Variants in KCTD12 observed in about 807,000 individuals in gnomAD.
KCTD12 encodes the protein BTB/POZ domain-containing protein KCTD12.
KCTD12 carries 16 observed loss-of-function variants against 22.6 expected under a neutral mutation model. The ratio of observed to expected loss-of-function variants is 0.71; its 90% CI spans 0.48 to 1.07. The LOEUF is 1.07. Ranked by LOEUF, KCTD12 falls within the 50% of genes least tolerant of loss-of-function variation. The pLI, the probability that KCTD12 is intolerant of heterozygous loss-of-function variation, is 0.00. For missense variants in KCTD12, 452 were observed against 469.2 expected (o/e 0.96, Z 0.34); for synonymous variants, 260 against 228.0 (o/e 1.14, Z -1.26).
chr13:76,885,260 T>C lies in KCTD12; in HGVS notation c.889A>G (p.Thr297Ala). 6.2e-7 allele frequency: 1 copy of C among 1,613,970 alleles called. No homozygotes were observed. Among genetic ancestry groups the C allele is most frequent in the Non-Finnish European group, 8.5e-7 (1 of 1,179,986 alleles). ...CTGCTGGCAAAGGCGCAGGTGCCCG[T>C]GGAGCTGCACGCCACCATGTGGAAG... ...SGFHMVACSS[T>A]GTCAFASSTD... The change falls in exon 1 of 1, where the codon ACG becomes GCG. Residue 297 changes from threonine to alanine, a missense_variant. Physicochemically the swap from Thr to Ala is moderately conservative, Grantham distance 58. This residue lies in a region of KCTD12 where 122 missense variants were observed against 172.8 expected (regional missense o/e 0.71). Coordinates refer to ENST00000377474, the MANE Select transcript of KCTD12 (RefSeq NM_138444.4). This position sits in a 1 kb window ranked among gnomAD's most constrained non-coding sequence, Gnocchi z 5.1.
In KCTD12 at chr13:76,882,920, G is replaced by C. The variant is rs536658203; in HGVS notation, c.*2251C>G. ...AAAAAATTAGTGGATTAAAAATACA[G>C]GTACCTTGACTTTAAGTAGACAGTT... is the stretch of plus-strand genomic sequence containing the variant. On this transcript the variant is annotated 3_prime_UTR_variant, in exon 1 of 1. Coordinates refer to ENST00000377474, the MANE Select transcript of KCTD12 (RefSeq NM_138444.4). 6.6e-6 allele frequency: 1 copy of C among 152,228 alleles called. No individual in the cohort carries two copies. The highest frequency in any genetic ancestry group is 2.4e-5 in the African/African-American group (1 of 41,518). The allele number at this position is 152,228 out of a possible 1,614,324, so 9.4% of individuals were successfully genotyped here.
In KCTD12 at chr13:76,885,766, C is replaced by G; in HGVS notation, c.383G>C (p.Arg128Pro). The change falls in exon 1 of 1, where the codon CGC becomes CCC. Residue 128 changes from arginine to proline, a missense_variant. Arg to Pro is a moderately radical substitution (Grantham distance 103). Around this residue, in one of 2 missense-constraint regions of KCTD12, gnomAD observed 330 missense variants for 296.5 expected, o/e 1.11. Coordinates refer to ENST00000377474, the MANE Select transcript of KCTD12 (RefSeq NM_138444.4). The surrounding 1 kb of genome is among the most constrained non-coding windows in gnomAD (Gnocchi z 5.1). Reference sequence around the variant, plus strand: ...GCCGGGCTGCTGGGGCGCCCCGAGGCGGCGCACGAGCTCTGGCAGCTCGAA... The same window carrying G: ...GCCGGGCTGCTGGGGCGCCCCGAGGGGGCGCACGAGCTCTGGCAGCTCGAA... ...EYFELPELVRRLGAPQQPGPG... is the reference protein window; with the variant it reads ...EYFELPELVRPLGAPQQPGPG... 2 of 1,533,182 alleles carry G rather than the reference C, an allele frequency of 1.3e-6. No individual in the cohort carries two copies. The highest frequency in any genetic ancestry group is 2.0e-5 in the Admixed American group (1 of 50,372). 95.0% of individuals were successfully genotyped at this position (1,533,182 alleles called of 1,614,324 possible).
Position 76,885,545 on chromosome 13 carries a change from C to G in KCTD12, c.604G>C (p.Asp202His), listed in dbSNP as rs759217707. ...GPLLTPSQSL[D>H]GSRRSGYITI... ...ATGTAGCCCGAGCGCCGGCTGCCGT[C>G]CAGCGACTGGGACGGCGTGAGCAGC... Residue 202 changes from aspartate (D) to histidine (H), a missense_variant, in exon 1 of 1, where the codon GAC (aspartate) becomes CAC (histidine). Asp to His is a moderately conservative substitution (Grantham distance 81). Around this residue, in one of 2 missense-constraint regions of KCTD12, gnomAD observed 330 missense variants for 296.5 expected, o/e 1.11. Transcript: ENST00000377474. The surrounding 1 kb of genome is among the most constrained non-coding windows in gnomAD (Gnocchi z 5.1). The G allele has an allele frequency of 1.5e-4, 228 of 1,565,644 alleles. No individual in the cohort carries two copies. The highest frequency in any genetic ancestry group is 1.8e-4 in the Non-Finnish European group (214 of 1,160,112).
At position 76,883,998 on chromosome 13, in the gene KCTD12, T is replaced by C. The variant is rs1344360777; in HGVS notation, c.*1173A>G. 6.6e-6 allele frequency: 1 copy of C among 152,460 alleles called. No homozygotes were observed. The highest frequency in any genetic ancestry group is 1.5e-5 in the Non-Finnish European group (1 of 68,010). 9.4% of individuals were successfully genotyped at this position (152,460 alleles called of 1,614,324 possible). A position where few individuals can be genotyped will look rare whatever the true frequency, so the allele number is the denominator to read the frequency against. ...AGTTAAGTAAACTGCCAGGTAAGAG[T>C]AGGTCTGTTATTAATCTTTATAAAA... On this transcript the variant is annotated 3_prime_UTR_variant, in exon 1 of 1. Transcript: ENST00000377474.
Position 76,883,056 on chromosome 13 carries a change from G to T in KCTD12, c.*2115C>A, listed in dbSNP as rs1036241902. 6.6e-6 allele frequency: 1 copy of T among 152,208 alleles called. No individual in the cohort carries two copies. Among genetic ancestry groups the T allele is most frequent in the Admixed American group, 6.5e-5 (1 of 15,284 alleles). The allele number at this position is 152,208 out of a possible 1,614,324, so 9.4% of individuals were successfully genotyped here. A position where few individuals can be genotyped will look rare whatever the true frequency, so the allele number is the denominator to read the frequency against. The stretch of plus-strand genomic sequence containing the variant: ...CCTAACCCAATTCCTCGATAAGGAT[G>T]TAAGAAACTCATCAAAACATGTTGC... On this transcript the variant is annotated 3_prime_UTR_variant, in exon 1 of 1. Coordinates refer to ENST00000377474, the MANE Select transcript of KCTD12 (RefSeq NM_138444.4).
Position 76,885,718 on chromosome 13 carries a change from C to A in KCTD12, c.431G>T (p.Arg144Leu). Residue 144 changes from arginine to leucine, a missense_variant, in exon 1 of 1, where the codon CGC becomes CTC. Transcript: ENST00000377474. This position sits in a 1 kb window ranked among gnomAD's most constrained non-coding sequence, Gnocchi z 5.1. ...CAGCGAGCCCTCCTTGTGCACCCCG[C>A]GCCGCGAGGGCGGCGGCCCCGGGCC... ...QPGPGPPPSR[R>L]GVHKEGSLGD... 7.1e-7 allele frequency: 1 copy of A among 1,406,432 alleles called. No individual in the cohort carries two copies. The highest frequency in any genetic ancestry group is 1.6e-5 in the South Asian group (1 of 62,782). 87.1% of individuals were successfully genotyped at this position (1,406,432 alleles called of 1,614,324 possible).
At position 76,884,875 on chromosome 13, in the gene KCTD12, G is replaced by A; in HGVS notation, c.*296C>T. The A allele has an allele frequency of 2.6e-6, 1 of 386,618 alleles. No homozygotes were observed. Among genetic ancestry groups the A allele is most frequent in the Middle Eastern group, 6.8e-4 (1 of 1,460 alleles). The allele number at this position is 386,618 out of a possible 1,614,324, so 23.9% of individuals were successfully genotyped here. On this transcript the variant is annotated 3_prime_UTR_variant, in exon 1 of 1. Transcript: ENST00000377474. Reference sequence around the variant, plus strand: ...CAAACTGAAGTACCATCTGGGGGAGGGGTGGTTTGAGGCAGGGAGTAGAGA... The same window carrying A: ...CAAACTGAAGTACCATCTGGGGGAGAGGTGGTTTGAGGCAGGGAGTAGAGA...
rs2033254601 is a variant in KCTD12 at position 76,885,471 on chromosome 13, C to A, written c.678G>T (p.Ala226=). The change falls in exon 1 of 1, where the codon GCG becomes GCT. Residue 226 remains alanine (A), a synonymous_variant. Coordinates refer to ENST00000377474, the MANE Select transcript of KCTD12 (RefSeq NM_138444.4). This position sits in a 1 kb window ranked among gnomAD's most constrained non-coding sequence, Gnocchi z 5.1. ...GCGCCACTCGCCGGAACTTGGCGTC[C>A]GCCTGCGCGTCCCGCCCGATGGTGT... The part of the protein sequence containing the change: ...GSYTIGRDAQ[A]DAKFRRVARI... 1.2e-6 allele frequency: 2 copies of A among 1,609,070 alleles called. No homozygotes were observed. Among genetic ancestry groups the A allele is most frequent in the Middle Eastern group, 1.7e-4 (1 of 6,044 alleles).
In KCTD12 at chr13:76,883,844, T is replaced by C. The variant is rs748491212; in HGVS notation, c.*1327A>G. ...CCAAAATGAAACTTCTTTTGCGCAA[T>C]AGATTCCAAAATCAGGATTTATAAT... On this transcript the variant is annotated 3_prime_UTR_variant, in exon 1 of 1. Transcript: ENST00000377474. The C allele has an allele frequency of 6.6e-6, 1 of 152,618 alleles. No individual in the cohort carries two copies. Among genetic ancestry groups the C allele is most frequent in the East Asian group, 1.9e-4 (1 of 5,202 alleles). 9.5% of individuals were successfully genotyped at this position (152,618 alleles called of 1,614,324 possible).
rs1035959188 is a variant in KCTD12, at chr13:76,886,211, C to T, written c.-63G>A. The T allele has an allele frequency of 4.0e-5, 55 of 1,383,932 alleles. No homozygotes were observed. In the Admixed American group the frequency reaches 1.4e-3, roughly 35 times the overall value. 85.7% of individuals were successfully genotyped at this position (1,383,932 alleles called of 1,614,324 possible). On this transcript the variant is annotated 5_prime_UTR_variant, in exon 1 of 1. Transcript: ENST00000377474. The stretch of plus-strand genomic sequence containing the variant: ...CCGCGCTGCACTCAGGAGCTGCAAC[C>T]GCCTTCCCCGGAGCCCCGGAACCCG...
chr13:76,885,592 G>A lies in KCTD12; in HGVS notation c.557C>T (p.Pro186Leu), dbSNP rs1380093021. 1.3e-6 allele frequency: 2 copies of A among 1,535,424 alleles called. No homozygotes were observed. Among genetic ancestry groups the A allele is most frequent in the Non-Finnish European group, 8.7e-7 (1 of 1,147,650 alleles). Residue 186 changes from proline (P) to leucine (L), a missense_variant, in exon 1 of 1, where the codon CCG becomes CTG. Transcript: ENST00000377474. This position sits in a 1 kb window ranked among gnomAD's most constrained non-coding sequence, Gnocchi z 5.1. ...SPTLELASRS[P>L]SGGAAGPLLT... ...CAGCGGGCCCGCCGCGCCCCCGGAC[G>A]GACTGCGGCTAGCCAGCTCCAGCGT... is the stretch of plus-strand genomic sequence containing the variant.
chr13:76,880,627 C>T lies in KCTD12; in HGVS notation c.*4544G>A, dbSNP rs951673788. 1 of 152,616 alleles carries T rather than the reference C, an allele frequency of 6.6e-6. No individual in the cohort carries two copies. Among genetic ancestry groups the T allele is most frequent in the Admixed American group, 6.5e-5 (1 of 15,284 alleles). The allele number at this position is 152,616 out of a possible 1,614,324, so 9.5% of individuals were successfully genotyped here. On this transcript the variant is annotated 3_prime_UTR_variant, in exon 1 of 1. Coordinates refer to ENST00000377474, the MANE Select transcript of KCTD12 (RefSeq NM_138444.4). ...ATATAATTTACATCTTCAAAATTAACATCCAGATGGATGTTTTAATCCTTT... is the reference window on the plus strand; with the variant it reads ...ATATAATTTACATCTTCAAAATTAATATCCAGATGGATGTTTTAATCCTTT...
At position 76,883,040 on chromosome 13, in the gene KCTD12, A is replaced by G. The variant is rs543496659; in HGVS notation, c.*2131T>C. On this transcript the variant is annotated 3_prime_UTR_variant, in exon 1 of 1. Transcript: ENST00000377474. ...CAATTATGTATTTTTTCCTAACCCAATTCCTCGATAAGGATGTAAGAAACT... is the reference window on the plus strand; with the variant it reads ...CAATTATGTATTTTTTCCTAACCCAGTTCCTCGATAAGGATGTAAGAAACT... The G allele has an allele frequency of 9.2e-5, 14 of 152,338 alleles. No individual in the cohort carries two copies. Among genetic ancestry groups the G allele is most frequent in the African/African-American group, 2.4e-4 (10 of 41,582 alleles). The allele number at this position is 152,338 out of a possible 1,614,324, so 9.4% of individuals were successfully genotyped here.
rs2033197897 is a variant in KCTD12 at position 76,881,098 on chromosome 13, T to G, written c.*4073A>C. On this transcript the variant is annotated 3_prime_UTR_variant, in exon 1 of 1. Coordinates refer to ENST00000377474, the MANE Select transcript of KCTD12 (RefSeq NM_138444.4). Reference sequence around the variant, plus strand: ...TACAGATACTGAAAATAGGAGTATTTTACTTATTTCTCAAGAGACAGACTT... The same window carrying G: ...TACAGATACTGAAAATAGGAGTATTGTACTTATTTCTCAAGAGACAGACTT... The G allele has an allele frequency of 6.6e-6, 1 of 152,182 alleles. No individual in the cohort carries two copies. Among genetic ancestry groups the G allele is most frequent in the East Asian group, 1.9e-4 (1 of 5,200 alleles). The allele number at this position is 152,182 out of a possible 1,614,324, so 9.4% of individuals were successfully genotyped here.
chr13:76,885,495 G>A lies in KCTD12; in HGVS notation c.654C>T (p.Tyr218=), dbSNP rs1351433921. 1 of 1,604,960 alleles carries A rather than the reference G, an allele frequency of 6.2e-7. No homozygotes were observed. The highest frequency in any genetic ancestry group is 1.7e-5 in the Admixed American group (1 of 59,682). Residue 218 remains tyrosine (Y), a synonymous_variant, in exon 1 of 1, where the codon TAC becomes TAT. Coordinates refer to ENST00000377474, the MANE Select transcript of KCTD12 (RefSeq NM_138444.4). The surrounding 1 kb of genome is among the most constrained non-coding windows in gnomAD (Gnocchi z 5.1). ...CCGCCTGCGCGTCCCGCCCGATGGT[G>A]TAGGAGCCGCGGTAGCCGATGGTGA... The part of the protein sequence containing the change: ...GYITIGYRGS[Y]TIGRDAQADA...
Position 76,885,641 on chromosome 13 carries a change from C to A in KCTD12, c.508G>T (p.Ala170Ser). 1 of 1,494,650 alleles carries A rather than the reference C, an allele frequency of 6.7e-7. No individual in the cohort carries two copies. The highest frequency in any genetic ancestry group is 1.3e-5 in the South Asian group (1 of 76,234). The allele number at this position is 1,494,650 out of a possible 1,614,324, so 92.6% of individuals were successfully genotyped here. The change falls in exon 1 of 1, where the codon GCC (alanine) becomes TCC (serine). Residue 170 changes from alanine (A) to serine (S), a missense_variant. By Grantham distance (99) the Ala-to-Ser change is moderately conservative. This residue lies in a region of KCTD12 where 330 missense variants were observed against 296.5 expected (regional missense o/e 1.11). Transcript: ENST00000377474. The surrounding 1 kb of genome is among the most constrained non-coding windows in gnomAD (Gnocchi z 5.1). The stretch of plus-strand genomic sequence containing the variant: ...GTGGGCGACGGCGCCCCGGCAGAGG[C>A]GCCCTCCTGCTGTTCGGGCTCCGAG... Reference protein sequence around the residue: ...GYSEPEQQEGASAGAPSPTLE... With the variant: ...GYSEPEQQEGSSAGAPSPTLE...
rs895174282 is a variant in KCTD12 at position 76,882,605 on chromosome 13, A to G, written c.*2566T>C. The G allele has an allele frequency of 1.3e-5, 2 of 152,196 alleles. No individual in the cohort carries two copies. Among genetic ancestry groups the G allele is most frequent in the African/African-American group, 4.8e-5 (2 of 41,440 alleles). The allele number at this position is 152,196 out of a possible 1,614,324, so 9.4% of individuals were successfully genotyped here. On this transcript the variant is annotated 3_prime_UTR_variant, in exon 1 of 1. Coordinates refer to ENST00000377474, the MANE Select transcript of KCTD12 (RefSeq NM_138444.4). ...TTTGGTCTGTCCCAAGATGTTCTCAATCATGTGCTTCCTGTTGAACAATCT... is the reference window on the plus strand; with the variant it reads ...TTTGGTCTGTCCCAAGATGTTCTCAGTCATGTGCTTCCTGTTGAACAATCT...
rs958569810 is a variant in KCTD12, at chr13:76,881,862, T to C, written c.*3309A>G. 1 of 151,096 alleles carries C rather than the reference T, an allele frequency of 6.6e-6. No individual in the cohort carries two copies. The highest frequency in any genetic ancestry group is 1.5e-5 in the Non-Finnish European group (1 of 67,708). 9.4% of individuals were successfully genotyped at this position (151,096 alleles called of 1,614,324 possible). A position where few individuals can be genotyped will look rare whatever the true frequency, so the allele number is the denominator to read the frequency against. Reference sequence around the variant, plus strand: ...TTTTTTTTTTTTTTTTAACCACCATTGTCTACACCTTTTTAAAAATTAAGT... The same window carrying C: ...TTTTTTTTTTTTTTTTAACCACCATCGTCTACACCTTTTTAAAAATTAAGT... On this transcript the variant is annotated 3_prime_UTR_variant, in exon 1 of 1. Coordinates refer to ENST00000377474, the MANE Select transcript of KCTD12 (RefSeq NM_138444.4).
rs746190827 is a variant in KCTD12, at chr13:76,886,035, C to A, written c.114G>T (p.Leu38=). The A allele has an allele frequency of 5.7e-6, 9 of 1,587,876 alleles. No homozygotes were observed. The highest frequency in any genetic ancestry group is 6.8e-6 in the Non-Finnish European group (8 of 1,170,894). The change falls in exon 1 of 1, where the codon CTG becomes CTT. Residue 38 remains leucine (L), a synonymous_variant. Coordinates refer to ENST00000377474, the MANE Select transcript of KCTD12 (RefSeq NM_138444.4). ...TCACGTACACCTGGCCCCCCACGTT[C>A]AGCTCCACGATGTCGGGGAAGAGCG... is the stretch of plus-strand genomic sequence containing the variant. The part of the protein sequence containing the change: ...EPPLFPDIVE[L]NVGGQVYVTR...
Sources: allele counts gnomAD v4.1 joint callset, GRCh38; gene constraint gnomAD v4.1.1; regional missense constraint gnomAD v4.1.1; non-coding constraint Gnocchi (gnomAD v3.1); transcripts MANE v1.5; gene names NCBI Gene and HGNC (gene_info 2026-07-23, HGNC 2026-07-21).